IRF2: variants seen among roughly 807,000 people sequenced by gnomAD.
IRF2 encodes the protein interferon regulatory factor 2.
A neutral mutation model predicts 40.6 loss-of-function variants in IRF2; 15 were observed. That is an observed-to-expected ratio of 0.37 (90% CI 0.25 to 0.57). The LOEUF is 0.57. Among genes scored for constraint, IRF2 ranks in the 20% least tolerant of loss-of-function variants. The pLI is 0.77. For missense variants in IRF2, 317 were observed against 455.7 expected, an observed-to-expected ratio of 0.70 and a Z score of 2.77; for synonymous variants, 151 against 165.5, an observed-to-expected ratio of 0.91 and a Z score of 0.67.
At chr4:184,438,555 T>G (rs1015343343) in intron 1 of IRF2, among the ~76,000 whole-genome samples, 1 of 152,114 alleles carries the variant, frequency 6.6e-6, no homozygotes, top group Non-Finnish European at 1.5e-5. Flanking sequence ...CGACAGTGTG[T>G]GTGCAGGTGT....
chr4:184,416,328 C>CAAAAAAAAA (rs35274774), intron 5 of IRF2, among the ~76,000 whole-genome samples: 3 of 100,174 alleles, frequency 3.0e-5, no homozygotes, highest in Non-Finnish European at 3.9e-5. Context: ...AAAAAAAAAA[C>CAAAAAAAAA]AAAAAAAAAA....
At chr4:184,405,086 C>CA (rs1293505253) in intron 6 of IRF2, among the ~76,000 whole-genome samples, 1 of 151,766 alleles carries the variant, frequency 6.6e-6, no homozygotes, top group Non-Finnish European at 1.5e-5. Context: ...CTACTAAATA[C>CA]AAAAAAAATT....
At chr4:184,400,805 C>G (rs1278522784) in intron 6 of IRF2, among the ~76,000 whole-genome samples, 2 of 152,162 alleles carry the variant, frequency 1.3e-5, no homozygotes, top group African/African-American at 4.8e-5. Flanking sequence ...TTGAAGGTCC[C>G]TAAGGTCCTG....
chr4:184,426,024 T>C (rs1392772548), intron 2 of IRF2, among the ~76,000 whole-genome samples: 2 of 151,450 alleles, frequency 1.3e-5, no homozygotes, highest in Non-Finnish European at 2.9e-5. Context: ...GTTTTTGAGA[T>C]GGAGTCTTGC....
chr4:184,407,168 G>A, intron 6 of IRF2: 5 of 1,287,918 alleles, frequency 3.9e-6, no homozygotes, highest in Non-Finnish European at 5.1e-6. Context: ...TACAAAAAAA[G>A]CACTGCTAAC....
intron 1 of IRF2, 80 bp from the exon 2 acceptor site, chr4:184,429,150 G>T: frequency 9.7e-7 from 1 of 1,027,122 alleles, no homozygotes; most frequent in South Asian, 1.3e-5. Flanking sequence ...CACCCCGCCT[G>T]ACTCTTTCCT....
intron 1 of IRF2, among the ~76,000 whole-genome samples, chr4:184,445,293 C>G (rs527845839): frequency 6.6e-6 from 1 of 152,326 alleles, no homozygotes; most frequent in South Asian, 2.1e-4. Flanking sequence ...CCTGTGCTCA[C>G]TCTTAAGTCC....
intron 5 of IRF2, among the ~76,000 whole-genome samples, chr4:184,412,110 A>G (rs540688090): frequency 2.9e-4 from 44 of 151,802 alleles, no homozygotes; most frequent in Non-Finnish European, 5.3e-4. Context: ...CTCTAATTGT[A>G]GAATCCAAGG....
chr4:184,418,762 A>G, intron 3 of IRF2, 54 bp from the exon 4 acceptor site: 1 of 1,488,128 alleles, frequency 6.7e-7, no homozygotes, highest in African/African-American at 1.4e-5. Flanking sequence ...GATACAGAGG[A>G]AGGAATTTCT....
chr4:184,456,248 G>T (rs1289856943), intron 1 of IRF2, among the ~76,000 whole-genome samples: 2 of 152,148 alleles, frequency 1.3e-5, no homozygotes, highest in Non-Finnish European at 2.9e-5. Context: ...GGCCTATGGG[G>T]AAGTTTTAAT....
chr4:184,442,605 A>T (rs1738352554), intron 1 of IRF2, among the ~76,000 whole-genome samples: 1 of 152,112 alleles, frequency 6.6e-6, no homozygotes, highest in South Asian at 2.1e-4. Context: ...ACATTTATTT[A>T]AGGTGCTGAA....
Position 184,408,090 on chromosome 4 carries a change from G to A in IRF2, c.529+68C>T. 2 of 879,110 alleles carry A rather than the reference G, an allele frequency of 2.3e-6. No individual in the cohort carries two copies. The highest frequency in any genetic ancestry group is 4.5e-4 in the Middle Eastern group (2 of 4,474). 54.5% of individuals were successfully genotyped at this position (879,110 alleles called of 1,614,324 possible). On this transcript the variant is annotated intron_variant, in intron 6 of 8. Transcript: ENST00000393593. This position sits in a 1 kb window ranked among gnomAD's most constrained non-coding sequence, Gnocchi z 4.9. ...CTGACTATGTTATTTGAAGTTCTCTGTTTTACAAATTTTAGGCCCCAGGGG... is the reference window on the plus strand; with the variant it reads ...CTGACTATGTTATTTGAAGTTCTCTATTTTACAAATTTTAGGCCCCAGGGG...
intron 1 of IRF2, among the ~76,000 whole-genome samples, chr4:184,446,964 C>T (rs1738534775): frequency 6.6e-6 from 1 of 151,702 alleles, no homozygotes. Context: ...TCAAAAAAAA[C>T]AAAAAAAGCA....
chr4:184,388,855 G>T lies in IRF2; in HGVS notation c.953C>A (p.Thr318Asn), dbSNP rs778267962. Residue 318 changes from threonine (T) to asparagine (N), a missense_variant, in exon 9 of 9, where the codon ACC (threonine) becomes AAC (asparagine). Physicochemically the swap from Thr to Asn is moderately conservative, Grantham distance 65. Around this residue, in one of 2 missense-constraint regions of IRF2, gnomAD observed 262 missense variants for 334.0 expected, o/e 0.78. Transcript: ENST00000393593. This position sits in a 1 kb window ranked among gnomAD's most constrained non-coding sequence, Gnocchi z 4.6. ...TGGCCGACTGCTGCTGGATGCTGGGGTCATGGAGGAAGAAAGGGGGAGGTC... is the reference window on the plus strand; with the variant it reads ...TGGCCGACTGCTGCTGGATGCTGGGTTCATGGAGGAAGAAAGGGGGAGGTC... ...FQDLPLSSSM[T>N]PASSSSRPDR... 1 of 1,614,106 alleles carries T rather than the reference G, an allele frequency of 6.2e-7. No individual in the cohort carries two copies. Among genetic ancestry groups the T allele is most frequent in the Admixed American group, 1.7e-5 (1 of 60,020 alleles).
chr4:184,473,053 G>A (rs1739573074), intron 1 of IRF2, among the ~76,000 whole-genome samples: 1 of 151,614 alleles, frequency 6.6e-6, no homozygotes, highest in African/African-American at 2.4e-5. Flanking sequence ...CGGCCCCCAG[G>A]CCGTGCCACT....
chr4:184,426,076 A>G (rs1197185232), intron 2 of IRF2, among the ~76,000 whole-genome samples: 1 of 152,054 alleles, frequency 6.6e-6, no homozygotes, highest in Non-Finnish European at 1.5e-5. Flanking sequence ...ATCTCAGCTC[A>G]CGCAACCTCC....
At chr4:184,473,915 CAA>C (rs1252862522) in intron 1 of IRF2, 2 of 152,180 alleles carry the variant, frequency 1.3e-5, no homozygotes, top group Non-Finnish European at 2.9e-5. Context: ...CGCGCACACA[CAA>C]ACACGCACAT....
chr4:184,416,331 A>AAAAAAAAAAAAAC (rs1737270877), intron 5 of IRF2, among the ~76,000 whole-genome samples: 1 of 148,452 alleles, frequency 6.7e-6, no homozygotes, highest in Non-Finnish European at 1.5e-5. Flanking sequence ...AAAAAAACAA[A>AAAAAAAAAAAAAC]AAAAAAAAAA....
chr4:184,471,380 A>T (rs1739508535), intron 1 of IRF2, among the ~76,000 whole-genome samples: 1 of 152,252 alleles, frequency 6.6e-6, no homozygotes, highest in Non-Finnish European at 1.5e-5. Flanking sequence ...TCAGTTGAGT[A>T]TACAGAGGCT....
Sources: allele counts gnomAD v4.1 joint callset (sites outside exome capture counted in the v4.1 genomes callset), GRCh38; gene constraint gnomAD v4.1.1; regional missense constraint gnomAD v4.1.1; non-coding constraint Gnocchi (gnomAD v3.1); transcripts MANE v1.5; gene names NCBI Gene and HGNC (gene_info 2026-07-23, HGNC 2026-07-21).